The following SLC25A21 variants were observed in gnomAD, a reference collection of about 807,000 sequenced individuals.
SLC25A21 encodes the protein mitochondrial 2-oxodicarboxylate carrier.
Under a neutral mutation model 43.8 loss-of-function variants are expected in SLC25A21, and 47 were observed. That is an observed-to-expected ratio of 1.07 (90% CI 0.85 to 1.37). SLC25A21 has a LOEUF of 1.37. Ranked by LOEUF, SLC25A21 falls within the 40% of genes most tolerant of loss-of-function variation. SLC25A21 has a pLI of 0.00. For missense variants in SLC25A21, 352 were observed against 350.2 expected, an observed-to-expected ratio of 1.00 and a Z score of -0.04; for synonymous variants, 131 against 121.3, an observed-to-expected ratio of 1.08 and a Z score of -0.52.
intron 1 of SLC25A21, among the ~76,000 whole-genome samples, chr14:36,959,239 A>G (rs1206349025): frequency 6.6e-6 from 1 of 152,126 alleles, no homozygotes; most frequent in African/African-American, 2.4e-5. Flanking sequence ...CCACTCTACT[A>G]GGATCCCTAT....
Position 36,705,206 on chromosome 14 carries a change from A to ATTT in SLC25A21, c.603+6111_603+6112insAAA, listed in dbSNP as rs151026449. 2.1e-3 allele frequency among the ~76,000 whole-genome samples: 313 copies of ATTT among 150,450 alleles called. 1 individual carries two copies. The highest frequency in any genetic ancestry group is 7.3e-3 in the African/African-American group (296 of 40,490). ...CTGGCGCCCGCCACCATGCCTGGTT[A>ATTT]ATTTTTTTTTTTGTATTTTTAGTAG... is the stretch of plus-strand genomic sequence containing the variant. On this transcript the variant is annotated intron_variant, in intron 7 of 9. Coordinates refer to ENST00000331299, the MANE Select transcript of SLC25A21 (RefSeq NM_030631.4).
rs1875163431 is a variant in SLC25A21 at position 36,748,284 on chromosome 14, T to C, written c.204-13711A>G. On this transcript the variant is annotated intron_variant, in intron 3 of 9. Transcript: ENST00000331299. ...GGCTGAAGGCCTCCACCTCGGGCTC[T>C]GTTTGGTTTCTGCACGGAGCTAAAA... 2.6e-5 allele frequency among the ~76,000 whole-genome samples: 4 copies of C among 152,226 alleles called. No homozygotes were observed. The South Asian group carries it at 6.2e-4, about 24-fold the overall frequency.
chr14:37,149,110 A>G (rs575849845), intron 1 of SLC25A21, among the ~76,000 whole-genome samples: 2 of 152,200 alleles, frequency 1.3e-5, no homozygotes, highest in South Asian at 2.1e-4. Flanking sequence ...TATGAAGCCA[A>G]CAAGAATCAC....
chr14:36,957,881 G>A (rs570771163), intron 1 of SLC25A21, among the ~76,000 whole-genome samples: 4 of 152,216 alleles, frequency 2.6e-5, no homozygotes, highest in African/African-American at 7.2e-5. Flanking sequence ...ATTTATGTAT[G>A]GTTTTGTTTA....
chr14:36,780,962 G>A (rs114777879), intron 3 of SLC25A21, among the ~76,000 whole-genome samples: 3,014 of 152,092 alleles, frequency 0.02, 81 homozygotes, highest in African/African-American at 0.068. Context: ...ATCTATCTAT[G>A]CTTTCATATT....
chr14:36,929,123 G>C (rs1892215832), intron 1 of SLC25A21, among the ~76,000 whole-genome samples: 1 of 152,000 alleles, frequency 6.6e-6, no homozygotes, highest in Non-Finnish European at 1.5e-5. Context: ...CTAATACCAT[G>C]TAAGACCTCC....
intron 7 of SLC25A21, among the ~76,000 whole-genome samples, chr14:36,690,762 T>C (rs1464138301): frequency 6.6e-6 from 1 of 152,130 alleles, no homozygotes; most frequent in Admixed American, 6.6e-5. Context: ...GATTTCACTA[T>C]CTGAGTCCTG....
At chr14:37,043,743 T>G (rs2415375) in intron 1 of SLC25A21, among the ~76,000 whole-genome samples, 1 of 151,618 alleles carries the variant, frequency 6.6e-6, no homozygotes, top group South Asian at 2.1e-4. Flanking sequence ...TCTTTTTTTG[T>G]TTTGTTTTTA....
chr14:36,870,097 G>A (rs543322415), intron 2 of SLC25A21, among the ~76,000 whole-genome samples: 1 of 152,298 alleles, frequency 6.6e-6, no homozygotes, highest in Non-Finnish European at 1.5e-5. Flanking sequence ...AGTGAACAAT[G>A]TTTGTGTACT....
intron 1 of SLC25A21, among the ~76,000 whole-genome samples, chr14:37,095,153 T>C (rs1376181288): frequency 6.6e-6 from 1 of 152,236 alleles, no homozygotes; most frequent in Non-Finnish European, 1.5e-5. Flanking sequence ...TCTGTTTTGA[T>C]CACTGCTATA....
chr14:37,105,929 G>C (rs1226452654), intron 1 of SLC25A21, among the ~76,000 whole-genome samples: 1 of 152,172 alleles, frequency 6.6e-6, no homozygotes, highest in African/African-American at 2.4e-5. Context: ...ACCCCGAACA[G>C]AGGGACAGGC....
chr14:37,162,973 A>G (rs1481195347), intron 1 of SLC25A21, among the ~76,000 whole-genome samples: 38 of 152,236 alleles, frequency 2.5e-4, no homozygotes, highest in Non-Finnish European at 4.3e-4. Flanking sequence ...AAGAAATGAT[A>G]AGTTCATGTC....
At chr14:37,094,126 A>G (rs776407938) in intron 1 of SLC25A21, among the ~76,000 whole-genome samples, 82 of 152,320 alleles carry the variant, frequency 5.4e-4, no homozygotes, top group South Asian at 1.2e-3. Context: ...GCCCTAGATA[A>G]CATTGCTACA....
chr14:36,821,710 A>C (rs938195808), intron 2 of SLC25A21, among the ~76,000 whole-genome samples: 7 of 152,098 alleles, frequency 4.6e-5, no homozygotes, highest in Admixed American at 3.9e-4. Flanking sequence ...CCAGCTACTC[A>C]GGAAGCTGAG....
At chr14:37,008,763 T>A (rs1960665153) in intron 1 of SLC25A21, among the ~76,000 whole-genome samples, 1 of 152,086 alleles carries the variant, frequency 6.6e-6, no homozygotes, top group African/African-American at 2.4e-5. Context: ...TAATAGATTT[T>A]TTTTCTCTGA....
chr14:36,961,040 G>C (rs1005722276), intron 1 of SLC25A21, among the ~76,000 whole-genome samples: 5 of 152,052 alleles, frequency 3.3e-5, no homozygotes, highest in Admixed American at 6.6e-5. Context: ...GAGGTTTGAG[G>C]TGTTGGTTCT....
intron 2 of SLC25A21, among the ~76,000 whole-genome samples, chr14:36,847,215 C>CA (rs1889574289): frequency 6.6e-6 from 1 of 152,162 alleles, no homozygotes; most frequent in African/African-American, 2.4e-5. Flanking sequence ...TATACCATAA[C>CA]ATCAGACAGT....
chr14:36,969,639 C>G (rs370706319), intron 1 of SLC25A21, among the ~76,000 whole-genome samples: 1 of 150,624 alleles, frequency 6.6e-6, no homozygotes, highest in African/African-American at 2.5e-5. Flanking sequence ...CAGGCATGCA[C>G]CACCACACCT....
intron 1 of SLC25A21, among the ~76,000 whole-genome samples, chr14:36,956,265 C>T (rs865804286): frequency 6.6e-6 from 1 of 152,106 alleles, no homozygotes; most frequent in Non-Finnish European, 1.5e-5. Flanking sequence ...GCATAGTACA[C>T]GCAGTTTATT....
Sources: allele counts gnomAD v4.1 joint callset (sites outside exome capture counted in the v4.1 genomes callset), GRCh38; gene constraint gnomAD v4.1.1; transcripts MANE v1.5; gene names NCBI Gene and HGNC (gene_info 2026-07-23, HGNC 2026-07-21).